USH2A: variants seen among roughly 807,000 people sequenced by gnomAD.
The protein encoded by USH2A is usherin.
Under a neutral mutation model 538.9 loss-of-function variants are expected in USH2A, and 443 were observed. The ratio of observed to expected loss-of-function variants is 0.82; its 90% CI spans 0.76 to 0.89. The LOEUF (loss-of-function observed/expected upper bound fraction) is 0.89, where lower values mean the gene tolerates loss of function less well. Among genes scored for constraint, USH2A ranks in the 40% least tolerant of loss-of-function variants. The probability of loss-of-function intolerance (pLI) is 0.00; values close to 1 mark genes in which losing one functional copy is unlikely to be tolerated. For synonymous variants in USH2A, 2,413 were observed against 2,273.5 expected, an observed-to-expected ratio of 1.06 and a Z score of -1.75; for missense variants, 6,633 against 6,324.8, an observed-to-expected ratio of 1.05 and a Z score of -1.65.
intron 38 of USH2A, among the ~76,000 whole-genome samples, chr1:215,917,031 C>T (rs933242797): frequency 3.4e-4 from 51 of 152,046 alleles, no homozygotes; most frequent in African/African-American, 1.2e-3. Context: ...AGAAAAATAG[C>T]GATTTTGAAT....
At chr1:215,818,590 G>C (rs868060676) in intron 47 of USH2A, among the ~76,000 whole-genome samples, 2 of 151,490 alleles carry the variant, frequency 1.3e-5, no homozygotes, top group African/African-American at 2.4e-5. Context: ...TGAGAGGCAG[G>C]GTTTGGTATA....
chr1:216,036,718 A>C (rs1249907916), intron 32 of USH2A, among the ~76,000 whole-genome samples: 4 of 152,138 alleles, frequency 2.6e-5, no homozygotes, highest in Non-Finnish European at 5.9e-5. Context: ...ACTTGGAGAA[A>C]GAGGTAGATG....
intron 15 of USH2A, among the ~76,000 whole-genome samples, chr1:216,213,776 A>G (rs1303726501): frequency 1.3e-5 from 2 of 151,978 alleles, no homozygotes; most frequent in Non-Finnish European, 2.9e-5. Context: ...TTTAAAGTAT[A>G]CCAATAAAAA....
chr1:216,395,990 T>A (rs1205680170), intron 3 of USH2A, among the ~76,000 whole-genome samples: 1 of 152,198 alleles, frequency 6.6e-6, no homozygotes, highest in Non-Finnish European at 1.5e-5. Context: ...CTGTTTCAAC[T>A]CCTCCACAGC....
chr1:216,238,311 G>T (rs2035869173), intron 13 of USH2A, among the ~76,000 whole-genome samples: 1 of 152,114 alleles, frequency 6.6e-6, no homozygotes, highest in South Asian at 2.1e-4. Context: ...CAAGGACAAG[G>T]GTGGGTCACT....
chr1:215,647,077 C>T (rs1351389788), intron 67 of USH2A, among the ~76,000 whole-genome samples: 2 of 152,106 alleles, frequency 1.3e-5, no homozygotes, highest in Admixed American at 1.3e-4. Context: ...GTAAGGAAGC[C>T]CCCAATTAAT....
chr1:215,822,209 G>A (rs1663033843), intron 47 of USH2A, among the ~76,000 whole-genome samples: 1 of 151,734 alleles, frequency 6.6e-6, no homozygotes, highest in Non-Finnish European at 1.5e-5. Context: ...AAATTACTTT[G>A]GGTAAAATTG....
Position 215,640,748 on chromosome 1 carries a change from G to C in USH2A, c.14792-14C>G, listed in dbSNP as rs368759409. Reference sequence around the variant, plus strand: ...GGTACTGAGGCACTGTGGGGAGAAAGTTGTATGTTCTAAAAAGGGTAACCT... The same window carrying C: ...GGTACTGAGGCACTGTGGGGAGAAACTTGTATGTTCTAAAAAGGGTAACCT... On this transcript the variant is annotated splice_polypyrimidine_tract_variant and intron_variant, in intron 67 of 71. Transcript: ENST00000307340. The C allele has an allele frequency of 2.0e-6, 3 of 1,525,562 alleles. No homozygotes were observed. Among genetic ancestry groups the C allele is most frequent in the Non-Finnish European group, 1.8e-6 (2 of 1,127,148 alleles). The allele number at this position is 1,525,562 out of a possible 1,614,324, so 94.5% of individuals were successfully genotyped here. A position where few individuals can be genotyped will look rare whatever the true frequency, so the allele number is the denominator to read the frequency against.
chr1:215,658,398 A>G (rs558964001), intron 64 of USH2A, among the ~76,000 whole-genome samples: 105 of 151,960 alleles, frequency 6.9e-4, no homozygotes, highest in African/African-American at 2.5e-3. Flanking sequence ...CTAATTTTGC[A>G]TTTTTCCTCT....
In USH2A at chr1:215,640,509, T is replaced by C. The variant is rs372445176; in HGVS notation, c.14968+49A>G. ...TTTCAGATTTAGCATCCCGTAAAGC[T>C]GGGGAACAGAGCGCCTTCCACACTG... On this transcript the variant is annotated intron_variant, in intron 68 of 71. Transcript: ENST00000307340. 3 of 1,610,926 alleles carry C rather than the reference T, an allele frequency of 1.9e-6. No individual in the cohort carries two copies. The African/African-American group carries it at 4.0e-5, about 22-fold the overall frequency.
At position 216,321,942 on chromosome 1, in the gene USH2A, T is replaced by G. The variant is rs201332729; in HGVS notation, c.1585A>C (p.Thr529Pro). The change falls in exon 9 of 72, where the codon ACA becomes CCA. Residue 529 changes from threonine to proline, a missense_variant. Thr to Pro is a conservative substitution (Grantham distance 38). Transcript: ENST00000307340. ...AGGCATCTATATGGCTGGCTTGTTGTGTCGCAGTTATCGGCATGACCATGG... is the reference window on the plus strand; with the variant it reads ...AGGCATCTATATGGCTGGCTTGTTGGGTCGCAGTTATCGGCATGACCATGG... Reference protein sequence around the residue: ...QCHGHADNCDTTSQPYRCLCS... With the variant: ...QCHGHADNCDPTSQPYRCLCS... The G allele has an allele frequency of 3.5e-5, 57 of 1,613,902 alleles. No homozygotes were observed. The Middle Eastern group carries it at 8.3e-4, about 23-fold the overall frequency.
intron 60 of USH2A, among the ~76,000 whole-genome samples, chr1:215,730,737 C>T (rs1394355134): frequency 6.6e-6 from 1 of 152,210 alleles, no homozygotes; most frequent in Non-Finnish European, 1.5e-5. Flanking sequence ...AAGCTTCATG[C>T]TGGAAGCTAT....
At chr1:216,072,017 C>A (rs925829830) in intron 29 of USH2A, among the ~76,000 whole-genome samples, 9 of 152,102 alleles carry the variant, frequency 5.9e-5, no homozygotes, top group Non-Finnish European at 1.0e-4. Flanking sequence ...TAAGAAGATT[C>A]CTCAAAGGAT....
At chr1:215,722,181 T>C (rs1659683878) in intron 61 of USH2A, among the ~76,000 whole-genome samples, 1 of 152,120 alleles carries the variant, frequency 6.6e-6, no homozygotes, top group Non-Finnish European at 1.5e-5. Context: ...TTTCTTATTA[T>C]AAAATGTGAA....
intron 30 of USH2A, among the ~76,000 whole-genome samples, chr1:216,051,939 T>C (rs548588917): frequency 2.8e-4 from 42 of 152,324 alleles, no homozygotes; most frequent in Non-Finnish European, 4.7e-4. Flanking sequence ...CATCAAGTTA[T>C]AAGGAAGGGT....
chr1:215,820,581 T>C (rs1662984866), intron 47 of USH2A, among the ~76,000 whole-genome samples: 2 of 151,870 alleles, frequency 1.3e-5, no homozygotes, highest in Admixed American at 6.6e-5. Flanking sequence ...CTTTTCTTTA[T>C]GCTAACAACA....
chr1:216,041,831 T>C (rs1476269577), intron 32 of USH2A, among the ~76,000 whole-genome samples: 1 of 151,620 alleles, frequency 6.6e-6, no homozygotes, highest in Admixed American at 6.6e-5. Flanking sequence ...AAAATGCAAA[T>C]TAAAATAAAA....
chr1:216,392,018 A>ATAAAACCC (rs2039118081), intron 3 of USH2A, among the ~76,000 whole-genome samples: 1 of 152,170 alleles, frequency 6.6e-6, no homozygotes, highest in African/African-American at 2.4e-5. Flanking sequence ...ATACATGTAA[A>ATAAAACCC]TAAAACCCTG....
chr1:216,075,830 C>T (rs555067092), intron 27 of USH2A, among the ~76,000 whole-genome samples: 2 of 146,656 alleles, frequency 1.4e-5, no homozygotes, highest in South Asian at 4.4e-4. Context: ...GTATCTGGTT[C>T]GGAGGAAGAT....
Sources: gnomAD v4.1 joint callset for allele counts (sites outside exome capture counted in the v4.1 genomes callset) on GRCh38, gnomAD v4.1.1 for gene constraint, MANE v1.5 for transcripts, NCBI Gene and HGNC (gene_info 2026-07-23, HGNC 2026-07-21) for gene names.